AK3: variants seen among roughly 807,000 people sequenced by gnomAD.
The protein encoded by AK3 is GTP:AMP phosphotransferase AK3, mitochondrial.
Under a neutral mutation model 23.7 loss-of-function variants are expected in AK3, and 27 were observed. That is an observed-to-expected ratio of 1.14 (90% CI 0.84 to 1.57). The LOEUF (loss-of-function observed/expected upper bound fraction) is 1.57, where lower values mean the gene tolerates loss of function less well. AK3 is among the 40% of genes most tolerant of loss of function. AK3 has a pLI of 0.00. For synonymous variants in AK3, 159 were observed against 116.0 expected (o/e 1.37, Z -2.38); for missense variants, 406 against 285.6 (o/e 1.42, Z -3.04).
rs1166971578 is a variant in AK3, at chr9:4,740,060, CAAAA to C, written c.151+873_151+876del. Among the ~76,000 whole-genome samples, 3 of 113,370 alleles carry C rather than the reference CAAAA, an allele frequency of 2.6e-5. No individual in the cohort carries two copies. The South Asian group carries it at 7.8e-4, about 30-fold the overall frequency. 74.4% of individuals were successfully genotyped at this position (113,370 alleles called of 152,430 possible). On this transcript the variant is annotated intron_variant, in intron 1 of 4. Coordinates refer to ENST00000381809, the MANE Select transcript of AK3 (RefSeq NM_016282.4). ...ACGTCTATCCTGTTTGCTATCCTTA[CAAAA>C]AAAAAAAAAAAAAGAAGGAAAACAA...
At chr9:4,729,112 G>A (rs1056212384) in intron 1 of AK3, among the ~76,000 whole-genome samples, 5 of 150,616 alleles carry the variant, frequency 3.3e-5, no homozygotes, top group Non-Finnish European at 7.4e-5. Context: ...CCGGGTTCAA[G>A]CGATTCTCCT....
Position 4,712,942 on chromosome 9 carries a change from C to T in AK3, c.*34G>A. The T allele has an allele frequency of 6.2e-7, 1 of 1,601,592 alleles. No individual in the cohort carries two copies. Among genetic ancestry groups the T allele is most frequent in the Non-Finnish European group, 8.5e-7 (1 of 1,173,804 alleles). On this transcript the variant is annotated 3_prime_UTR_variant, in exon 5 of 5. Transcript: ENST00000381809. ...TAAATGCAAGGACTAGGAGGTTTGC[C>T]CATCTTACTATTAATAGTTACACAC...
chr9:4,728,866 T>TACACACACACACACACACACAC (rs57364192), intron 1 of AK3, among the ~76,000 whole-genome samples: 3 of 87,882 alleles, frequency 3.4e-5, no homozygotes, highest in African/African-American at 7.5e-5. Context: ...TATATATATA[T>TACACACACACACACACACACAC]ACACACACAC....
chr9:4,739,868 G>A (rs1842384323), intron 1 of AK3, among the ~76,000 whole-genome samples: 1 of 151,858 alleles, frequency 6.6e-6, no homozygotes, highest in African/African-American at 2.4e-5. Flanking sequence ...GAGGCAGACA[G>A]AGCAAGACTC....
At chr9:4,728,866 T>G (rs28848329) in intron 1 of AK3, among the ~76,000 whole-genome samples, 1 of 87,894 alleles carries the variant, frequency 1.1e-5, no homozygotes, top group Non-Finnish European at 2.4e-5. Context: ...TATATATATA[T>G]ACACACACAC....
intron 2 of AK3, among the ~76,000 whole-genome samples, chr9:4,722,208 T>G (rs1430580257): frequency 1.3e-5 from 2 of 152,232 alleles, no homozygotes; most frequent in African/African-American, 4.8e-5. Context: ...TATTGTAAAT[T>G]ACTCTTGGGT....
intron 1 of AK3, among the ~76,000 whole-genome samples, chr9:4,724,217 T>C (rs994962682): frequency 6.6e-6 from 1 of 152,100 alleles, no homozygotes; most frequent in African/African-American, 2.4e-5. Flanking sequence ...TTTTGACTAC[T>C]GCTCTGGGGA....
In AK3 at chr9:4,719,196, C is replaced by T. The variant is rs763448502; in HGVS notation, c.383G>A (p.Arg128His). 13 of 1,611,676 alleles carry T rather than the reference C, an allele frequency of 8.1e-6. No homozygotes were observed. Among genetic ancestry groups the T allele is most frequent in the East Asian group, 6.7e-5 (3 of 44,890 alleles). Reference protein sequence around the residue: ...FEVIKQRLTARWIHPASGRVY... With the variant: ...FEVIKQRLTAHWIHPASGRVY... ...TCGGCCACTGGCGGGATGAATCCAG[C>T]GAGCAGTAAGGCGTTGTTTAATGAC... The change falls in exon 3 of 5, where the codon CGC becomes CAC. Residue 128 changes from arginine to histidine, a missense_variant. Physicochemically the swap from Arg to His is conservative, Grantham distance 29. Transcript: ENST00000381809.
intron 1 of AK3, among the ~76,000 whole-genome samples, chr9:4,734,790 C>T (rs1421673631): frequency 6.6e-6 from 1 of 152,098 alleles, no homozygotes; most frequent in Non-Finnish European, 1.5e-5. Flanking sequence ...AAACATGGCC[C>T]ATCCATAAAA....
intron 4 of AK3, among the ~76,000 whole-genome samples, chr9:4,715,926 G>A (rs12683953): frequency 0.25 from 37,767 of 151,918 alleles, 4,767 homozygotes; most frequent in Middle Eastern, 0.3. Context: ...GACATGATCA[G>A]AGCTAATCGG....
chr9:4,740,499 A>G (rs922584961), intron 1 of AK3, among the ~76,000 whole-genome samples: 3 of 152,206 alleles, frequency 2.0e-5, no homozygotes, highest in Admixed American at 2.0e-4. Context: ...CACACCAAAA[A>G]AGAAAGAGAA....
At chr9:4,738,936 TA>T (rs1199558844) in intron 1 of AK3, among the ~76,000 whole-genome samples, 1 of 151,910 alleles carries the variant, frequency 6.6e-6, no homozygotes, top group Non-Finnish European at 1.5e-5. Flanking sequence ...CATGCCCAGC[TA>T]ATTTTTTGTA....
Position 4,712,889 on chromosome 9 carries a change from T to C in AK3, c.*87A>G, listed in dbSNP as rs1296329784. 4.2e-6 allele frequency: 6 copies of C among 1,434,146 alleles called. No individual in the cohort carries two copies. In the African/African-American group the frequency reaches 4.3e-5, roughly 10 times the overall value. The allele number at this position is 1,434,146 out of a possible 1,614,324, so 88.8% of individuals were successfully genotyped here. Reference sequence around the variant, plus strand: ...ATATAATTTTCAAAGAATTCATACATACTAGAAGTCTTAGGAAAAGCAGCT... The same window carrying C: ...ATATAATTTTCAAAGAATTCATACACACTAGAAGTCTTAGGAAAAGCAGCT... On this transcript the variant is annotated 3_prime_UTR_variant, in exon 5 of 5. Coordinates refer to ENST00000381809, the MANE Select transcript of AK3 (RefSeq NM_016282.4).
intron 1 of AK3, among the ~76,000 whole-genome samples, chr9:4,723,537 G>A (rs1841953497): frequency 6.6e-6 from 1 of 152,114 alleles, no homozygotes; most frequent in Non-Finnish European, 1.5e-5. Context: ...TCACTCTTAT[G>A]CAATAGTATT....
chr9:4,719,373 G>T (rs1487565452), intron 2 of AK3, 66 bp from the exon 3 acceptor site: 3 of 877,336 alleles, frequency 3.4e-6, no homozygotes, highest in African/African-American at 3.6e-5. Flanking sequence ...GGGTGGGGCG[G>T]GTGGAGAAAG....
intron 4 of AK3, among the ~76,000 whole-genome samples, chr9:4,714,206 A>T (rs1841657967): frequency 2.4e-4 from 1 of 4,090 alleles, no homozygotes. Flanking sequence ...CTCCACATAT[A>T]CACCTCCACA....
chr9:4,731,938 T>G (rs528902036), intron 1 of AK3, among the ~76,000 whole-genome samples: 3 of 152,110 alleles, frequency 2.0e-5, no homozygotes, highest in Admixed American at 6.6e-5. Context: ...ACAGTAAATC[T>G]ATTTTCTTTT....
chr9:4,718,985 G>A, intron 3 of AK3, 150 bp downstream of exon 3: 2 of 850,718 alleles, frequency 2.4e-6, no homozygotes, highest in South Asian at 1.8e-5. Context: ...AAGCTCAGTG[G>A]ACTTGATCAG....
chr9:4,717,102 C>T (rs1841756841), intron 4 of AK3, among the ~76,000 whole-genome samples: 1 of 152,126 alleles, frequency 6.6e-6, no homozygotes, highest in Non-Finnish European at 1.5e-5. Flanking sequence ...ATTCTCTTCC[C>T]CAATTTACAG....
Sources: allele counts gnomAD v4.1 joint callset (sites outside exome capture counted in the v4.1 genomes callset), GRCh38; gene constraint gnomAD v4.1.1; transcripts MANE v1.5; gene names NCBI Gene and HGNC (gene_info 2026-07-23, HGNC 2026-07-21).